Variants in EBF2 observed in about 807,000 individuals in gnomAD.
EBF2 encodes EBF transcription factor 2, also known as transcription factor COE2.
In EBF2, 21 loss-of-function variants were observed where a neutral mutation model predicts 72.8. The observed-to-expected ratio is 0.29, with a 90% CI of 0.20 to 0.42. EBF2 has a LOEUF of 0.42. Among genes scored for constraint, EBF2 ranks in the 10% least tolerant of loss-of-function variants. The probability of loss-of-function intolerance (pLI) is 1.00; values close to 1 mark genes in which losing one functional copy is unlikely to be tolerated. For missense variants in EBF2, 637 were observed against 731.2 expected, an observed-to-expected ratio of 0.87 and a Z score of 1.49; for synonymous variants, 299 against 274.2, an observed-to-expected ratio of 1.09 and a Z score of -0.89.
chr8:25,919,671 G>C (rs767547244), intron 6 of EBF2, among the ~76,000 whole-genome samples: 2 of 152,188 alleles, frequency 1.3e-5, no homozygotes, highest in Non-Finnish European at 2.9e-5. Flanking sequence ...GCTAGCTTGG[G>C]AGTTGAGAAA....
chr8:25,907,067 G>A (rs1803045678), intron 7 of EBF2, among the ~76,000 whole-genome samples: 1 of 151,888 alleles, frequency 6.6e-6, no homozygotes, highest in African/African-American at 2.4e-5. Context: ...CTCTCCAGCA[G>A]GACCAGCTAC....
chr8:25,929,605 A>G (rs17054638), intron 6 of EBF2, among the ~76,000 whole-genome samples: 27,794 of 152,104 alleles, frequency 0.18, 3,129 homozygotes, highest in African/African-American at 0.31. Flanking sequence ...GTGCTTAAAA[A>G]AAATCTTCTA....
At chr8:25,988,254 C>G (rs1313983383) in intron 6 of EBF2, among the ~76,000 whole-genome samples, 1 of 152,190 alleles carries the variant, frequency 6.6e-6, no homozygotes, top group African/African-American at 2.4e-5. Flanking sequence ...GAGCCAGAGA[C>G]AAGCAGACAA....
At chr8:26,002,127 A>C (rs1804738094) in intron 6 of EBF2, among the ~76,000 whole-genome samples, 1 of 152,170 alleles carries the variant, frequency 6.6e-6, no homozygotes, top group African/African-American at 2.4e-5. Context: ...ATCCCAGGCC[A>C]CTTGCTTGCC....
intron 6 of EBF2, among the ~76,000 whole-genome samples, chr8:25,959,073 G>C (rs1803994085): frequency 6.6e-6 from 1 of 152,172 alleles, no homozygotes; most frequent in African/African-American, 2.4e-5. Context: ...GCTGAGGCTG[G>C]ACTTTTCGTA....
At chr8:25,856,395 C>T (rs989274429) in intron 14 of EBF2, among the ~76,000 whole-genome samples, 4 of 152,144 alleles carry the variant, frequency 2.6e-5, no homozygotes, top group Admixed American at 6.5e-5. Flanking sequence ...AATTTAAAAA[C>T]GTGGTATTCT....
At chr8:25,894,075 G>A (rs1004217044) in intron 7 of EBF2, among the ~76,000 whole-genome samples, 1 of 152,162 alleles carries the variant, frequency 6.6e-6, no homozygotes, top group African/African-American at 2.4e-5. Flanking sequence ...CAGATGGTGA[G>A]GTAGCTGGAA....
At chr8:26,011,997 T>G (rs1030033514) in intron 6 of EBF2, among the ~76,000 whole-genome samples, 4 of 152,072 alleles carry the variant, frequency 2.6e-5, no homozygotes, top group African/African-American at 4.8e-5. Context: ...ACCCGAAGTC[T>G]GAGAAAACTG....
chr8:25,975,455 C>A (rs1008787380), intron 6 of EBF2, among the ~76,000 whole-genome samples: 12 of 152,176 alleles, frequency 7.9e-5, no homozygotes, highest in South Asian at 2.1e-4. Flanking sequence ...ACATTTTTCC[C>A]GGTTAAATAG....
chr8:25,928,397 G>C (rs940887218), intron 6 of EBF2, among the ~76,000 whole-genome samples: 1 of 152,052 alleles, frequency 6.6e-6, no homozygotes, highest in African/African-American at 2.4e-5. Flanking sequence ...CTCATTCCCT[G>C]TCCTCTTCTC....
At chr8:25,877,335 T>C (rs2117279651) in intron 10 of EBF2, among the ~76,000 whole-genome samples, 1 of 152,258 alleles carries the variant, frequency 6.6e-6, no homozygotes, top group East Asian at 1.9e-4. Flanking sequence ...TCCTCTCCTC[T>C]CCGCCTAGGC....
At chr8:26,005,478 TTTATAAAATATATA>T (rs1240365586) in intron 6 of EBF2, among the ~76,000 whole-genome samples, 2 of 6,618 alleles carry the variant, frequency 3.0e-4, no homozygotes, top group African/African-American at 1.3e-3. Flanking sequence ...TATAATATTA[TTTATAAAATATATA>T]TTATAAAATA....
chr8:26,001,819 G>C (rs979214530), intron 6 of EBF2, among the ~76,000 whole-genome samples: 1 of 152,042 alleles, frequency 6.6e-6, no homozygotes, highest in Non-Finnish European at 1.5e-5. Flanking sequence ...AAAGTGCTAG[G>C]ATTACAGGTG....
At chr8:25,934,946 G>T (rs1803550342) in intron 6 of EBF2, among the ~76,000 whole-genome samples, 1 of 152,194 alleles carries the variant, frequency 6.6e-6, no homozygotes, top group African/African-American at 2.4e-5. Flanking sequence ...TGCCGCAGTT[G>T]CTTCTAGCAA....
chr8:25,888,037 C>T, intron 8 of EBF2, 65 bp from the exon 9 acceptor site: 2 of 1,515,228 alleles, frequency 1.3e-6, no homozygotes, highest in Non-Finnish European at 1.8e-6. Context: ...TTTGGCTTCC[C>T]AGGCCCACAT....
At chr8:26,032,856 G>A in intron 6 of EBF2, 1 of 548,662 alleles carries the variant, frequency 1.8e-6, no homozygotes, top group Non-Finnish European at 3.3e-6. Context: ...GGCTGAAGCT[G>A]GTGCACCTGG....
chr8:26,043,262 C>A (rs11992541), intron 1 of EBF2, among the ~76,000 whole-genome samples: 19,634 of 152,302 alleles, frequency 0.13, 1,366 homozygotes, highest in Middle Eastern at 0.17. Flanking sequence ...GGGAGCTGCC[C>A]TGCGGCGCTG....
chr8:25,874,967 G>C (rs1421332969), intron 10 of EBF2, among the ~76,000 whole-genome samples: 1 of 151,582 alleles, frequency 6.6e-6, no homozygotes, highest in African/African-American at 2.4e-5. Context: ...ATTTCAGGGG[G>C]GAACCATGGT....
intron 6 of EBF2, among the ~76,000 whole-genome samples, chr8:25,966,167 G>C (rs1396089624): frequency 6.6e-6 from 1 of 152,226 alleles, no homozygotes; most frequent in Admixed American, 6.5e-5. Context: ...TGAGGCTTTA[G>C]AGACAAAGCA....
Sources: allele counts gnomAD v4.1 joint callset (sites outside exome capture counted in the v4.1 genomes callset), GRCh38; gene constraint gnomAD v4.1.1; transcripts MANE v1.5; gene names NCBI Gene and HGNC (gene_info 2026-07-23, HGNC 2026-07-21).